The following KIAA1328 variants were observed in gnomAD, a reference collection of about 807,000 sequenced individuals.
KIAA1328 encodes protein hinderin.
Under a neutral mutation model 68.1 loss-of-function variants are expected in KIAA1328, and 52 were observed. The ratio of observed to expected loss-of-function variants is 0.76; its 90% confidence interval spans 0.61 to 0.96. KIAA1328 has a LOEUF of 0.96. KIAA1328 is among the 40% of genes least tolerant of loss of function. The pLI is 0.00. For missense variants in KIAA1328, 641 were observed against 677.6 expected, an observed-to-expected ratio of 0.95 and a Z score of 0.60; for synonymous variants, 232 against 239.4, an observed-to-expected ratio of 0.97 and a Z score of 0.28.
chr18:37,150,055 C>CA (rs2058993512), intron 7 of KIAA1328, among the ~76,000 whole-genome samples: 1 of 151,914 alleles, frequency 6.6e-6, no homozygotes, highest in African/African-American at 2.4e-5. Flanking sequence ...AAGATTGGTA[C>CA]AAAAAAGTAG....
At chr18:37,212,971 A>G (rs323490) in intron 9 of KIAA1328, among the ~76,000 whole-genome samples, 42,119 of 152,038 alleles carry the variant, frequency 0.28, 9,401 homozygotes, top group African/African-American at 0.62. Flanking sequence ...CACCTGCCTC[A>G]GCCTCCCAAA....
At chr18:36,979,365 C>T (rs2151363421) in intron 6 of KIAA1328, among the ~76,000 whole-genome samples, 2 of 151,970 alleles carry the variant, frequency 1.3e-5, no homozygotes, top group East Asian at 3.9e-4. Context: ...ACCATTAAAT[C>T]TAGTCTAAAT....
Position 36,855,714 on chromosome 18 carries a change from A to C in KIAA1328, c.332+11412A>C, listed in dbSNP as rs76590433. 2.5e-3 allele frequency among the ~76,000 whole-genome samples: 379 copies of C among 151,628 alleles called. 2 individuals carry two copies. The highest frequency in any genetic ancestry group is 8.7e-3 in the African/African-American group (362 of 41,432). ...TTGTGTTTCTAGTGTCAGATATAAG[A>C]ATCTGTTGCAAAATCCAAGGTCATG... is the stretch of plus-strand genomic sequence containing the variant. On this transcript the variant is annotated intron_variant, in intron 4 of 9. Coordinates refer to ENST00000280020, the MANE Select transcript of KIAA1328 (RefSeq NM_020776.3).
intron 9 of KIAA1328, among the ~76,000 whole-genome samples, chr18:37,216,051 T>C (rs2154221358): frequency 6.6e-6 from 1 of 152,352 alleles, no homozygotes; most frequent in South Asian, 2.1e-4. Flanking sequence ...TCTTCCTTAT[T>C]AATCTTGCTA....
At chr18:36,835,130 C>T in intron 2 of KIAA1328, 104 bp from the exon 3 acceptor site, 2 of 811,150 alleles carry the variant, frequency 2.5e-6, no homozygotes, top group Non-Finnish European at 3.8e-6. Flanking sequence ...AGAGTTTCCT[C>T]CATCAGGTCC....
At chr18:36,957,604 G>A (rs967859031) in intron 5 of KIAA1328, among the ~76,000 whole-genome samples, 2 of 152,076 alleles carry the variant, frequency 1.3e-5, no homozygotes, top group Non-Finnish European at 2.9e-5. Context: ...AAGTAGGGAG[G>A]TATGTGTTCA....
intron 6 of KIAA1328, 124 bp downstream of exon 6, chr18:36,959,559 C>A: frequency 9.7e-7 from 1 of 1,030,156 alleles, no homozygotes; most frequent in Non-Finnish European, 1.4e-6. Flanking sequence ...GTAGCCACTG[C>A]GTGTGATTGA....
chr18:37,103,511 G>A (rs944887770), intron 7 of KIAA1328, among the ~76,000 whole-genome samples: 5 of 152,090 alleles, frequency 3.3e-5, no homozygotes, highest in Non-Finnish European at 7.4e-5. Context: ...ACTCACAATG[G>A]ATTAAAGAGT....
intron 7 of KIAA1328, among the ~76,000 whole-genome samples, chr18:37,128,002 T>G (rs1218617738): frequency 6.6e-6 from 1 of 151,844 alleles, no homozygotes; most frequent in Non-Finnish European, 1.5e-5. Context: ...GATCAGTGGA[T>G]TGAAAAAAAA....
At chr18:37,082,525 C>CTGT (rs1556877151) in intron 7 of KIAA1328, among the ~76,000 whole-genome samples, 2 of 152,164 alleles carry the variant, frequency 1.3e-5, no homozygotes, top group Non-Finnish European at 2.9e-5. Flanking sequence ...TATACACAAG[C>CTGT]TGTTGTTTAT....
intron 6 of KIAA1328, among the ~76,000 whole-genome samples, chr18:37,002,228 C>CTTTTTTTTTTTTTTTTTTTTT (rs145948250): frequency 7.4e-5 from 7 of 95,162 alleles, no homozygotes; most frequent in Admixed American, 1.2e-4. Context: ...ATTTTTTTTT[C>CTTTTTTTTTTTTTTTTTTTTT]TTTTTTTTTT....
intron 6 of KIAA1328, among the ~76,000 whole-genome samples, chr18:36,969,478 T>C (rs1017181592): frequency 6.6e-6 from 1 of 151,998 alleles, no homozygotes; most frequent in Non-Finnish European, 1.5e-5. Context: ...CCCACAGAAA[T>C]GCAAATAACC....
chr18:37,062,439 T>G (rs2056184368), intron 6 of KIAA1328, among the ~76,000 whole-genome samples: 1 of 149,440 alleles, frequency 6.7e-6, no homozygotes, highest in South Asian at 2.1e-4. Flanking sequence ...TGGTTTTTTT[T>G]GTTTTGTTTT....
At chr18:37,111,372 C>A (rs1421053815) in intron 7 of KIAA1328, among the ~76,000 whole-genome samples, 1 of 152,186 alleles carries the variant, frequency 6.6e-6, no homozygotes, top group East Asian at 1.9e-4. Flanking sequence ...TTAATCACAT[C>A]TACAGAATAC....
chr18:37,135,423 G>A (rs1279867083), intron 7 of KIAA1328, among the ~76,000 whole-genome samples: 1 of 152,024 alleles, frequency 6.6e-6, no homozygotes, highest in Non-Finnish European at 1.5e-5. Flanking sequence ...ATCTCATTAC[G>A]GTTTTGATTT....
At chr18:37,088,670 C>T in intron 7 of KIAA1328, among the ~76,000 whole-genome samples, 1 of 151,860 alleles carries the variant, frequency 6.6e-6, no homozygotes, top group Admixed American at 6.5e-5. Flanking sequence ...TCTGATAATA[C>T]TAAAGAAGAA....
intron 1 of KIAA1328, among the ~76,000 whole-genome samples, chr18:36,833,714 T>C (rs2046576911): frequency 1.3e-5 from 2 of 152,236 alleles, no homozygotes; most frequent in Admixed American, 1.3e-4. Flanking sequence ...GTTATAATCA[T>C]AGCCTTTCTA....
chr18:37,078,246 T>C (rs1163044105), intron 7 of KIAA1328, among the ~76,000 whole-genome samples: 2 of 152,188 alleles, frequency 1.3e-5, no homozygotes, highest in Non-Finnish European at 2.9e-5. Flanking sequence ...CCCTATTTAA[T>C]AAATGGTGCT....
At chr18:36,921,485 GCTC>G (rs953151595) in intron 5 of KIAA1328, among the ~76,000 whole-genome samples, 1 of 151,922 alleles carries the variant, frequency 6.6e-6, no homozygotes, top group African/African-American at 2.4e-5. Context: ...CTCACTGTAA[GCTC>G]CACCTCCCGG....
Sources: gnomAD v4.1 joint callset for allele counts (sites outside exome capture counted in the v4.1 genomes callset) on GRCh38, gnomAD v4.1.1 for gene constraint, MANE v1.5 for transcripts, NCBI Gene and HGNC (gene_info 2026-07-23, HGNC 2026-07-21) for gene names.